Variants in MGAT4A observed in about 807,000 individuals in gnomAD.
The protein encoded by MGAT4A is N-acetylglucosaminyltransferase IVa.
Under a neutral mutation model 74.1 loss-of-function variants are expected in MGAT4A, and 33 were observed. The observed-to-expected ratio is 0.45, with a 90% CI of 0.34 to 0.60. MGAT4A has a LOEUF of 0.60. MGAT4A is among the 20% of genes least tolerant of loss of function. MGAT4A has a pLI of 0.02. For synonymous variants in MGAT4A, 198 were observed against 210.4 expected, an observed-to-expected ratio of 0.94 and a Z score of 0.51; for missense variants, 479 against 628.3, an observed-to-expected ratio of 0.76 and a Z score of 2.54.
chr2:98,665,350 AG>A (rs1490472791), intron 4 of MGAT4A, among the ~76,000 whole-genome samples: 7 of 150,950 alleles, frequency 4.6e-5, no homozygotes, highest in African/African-American at 1.2e-4. Context: ...AAAAAAAAAA[AG>A]AATTCTAATG....
chr2:98,676,424 G>A (rs754385247), intron 3 of MGAT4A, among the ~76,000 whole-genome samples: 11 of 152,064 alleles, frequency 7.2e-5, no homozygotes, highest in Admixed American at 1.3e-4. Flanking sequence ...TAAGAATTTA[G>A]CTTCTATGCA....
chr2:98,642,394 C>G (rs1701423544), intron 10 of MGAT4A, among the ~76,000 whole-genome samples: 1 of 152,164 alleles, frequency 6.6e-6, no homozygotes, highest in African/African-American at 2.4e-5. Context: ...GATGTGGCGA[C>G]AGCACCCTCG....
At chr2:98,653,508 T>A (rs1041631842) in intron 8 of MGAT4A, among the ~76,000 whole-genome samples, 15 of 151,798 alleles carry the variant, frequency 9.9e-5, no homozygotes, top group African/African-American at 3.6e-4. Context: ...ACAACTGATA[T>A]CACAGAAATA....
chr2:98,662,101 G>A (rs1245661722), intron 5 of MGAT4A, among the ~76,000 whole-genome samples: 2 of 152,162 alleles, frequency 1.3e-5, no homozygotes, highest in African/African-American at 4.8e-5. Context: ...ACAGAAAGGC[G>A]AACCCAGGCG....
intron 2 of MGAT4A, among the ~76,000 whole-genome samples, chr2:98,723,492 C>A (rs1412619697): frequency 1.3e-5 from 2 of 152,180 alleles, no homozygotes; most frequent in African/African-American, 2.4e-5. Flanking sequence ...CTCAGCCTGC[C>A]TGCTCATTAA....
At chr2:98,683,982 G>C (rs1702096843) in intron 2 of MGAT4A, among the ~76,000 whole-genome samples, 1 of 152,154 alleles carries the variant, frequency 6.6e-6, no homozygotes, top group African/African-American at 2.4e-5. Context: ...TCCGTCCTTT[G>C]TTTCTAACTC....
intron 2 of MGAT4A, among the ~76,000 whole-genome samples, chr2:98,691,873 C>G (rs1207998718): frequency 1.3e-5 from 2 of 152,154 alleles, no homozygotes; most frequent in Non-Finnish European, 2.9e-5. Flanking sequence ...GATCCTGACC[C>G]TCTGCAGGCC....
chr2:98,649,323 C>G (rs1011750601), intron 8 of MGAT4A, among the ~76,000 whole-genome samples: 57 of 152,092 alleles, frequency 3.7e-4, no homozygotes, highest in Admixed American at 2.3e-3. Context: ...CCCAGACACA[C>G]AAGACACATT....
chr2:98,626,443 T>C (rs1420700490), intron 14 of MGAT4A, among the ~76,000 whole-genome samples: 29 of 152,302 alleles, frequency 1.9e-4, no homozygotes, highest in Admixed American at 9.8e-4. Context: ...TGTGTACCAC[T>C]TTTCTTGCTA....
chr2:98,694,062 T>TGGCCCCAGCC (rs1702232569), intron 2 of MGAT4A: 1 of 153,680 alleles, frequency 6.5e-6, no homozygotes, highest in African/African-American at 2.4e-5. Flanking sequence ...TAGCCCCAGC[T>TGGCCCCAGCC]CCAGCCTGGC....
At chr2:98,642,987 T>C (rs940177989) in intron 10 of MGAT4A, among the ~76,000 whole-genome samples, 6 of 152,228 alleles carry the variant, frequency 3.9e-5, no homozygotes, top group African/African-American at 1.4e-4. Context: ...GCTTATTTGT[T>C]ACAATGAATG....
intron 2 of MGAT4A, among the ~76,000 whole-genome samples, chr2:98,686,017 C>A (rs1055995952): frequency 6.6e-6 from 1 of 152,088 alleles, no homozygotes; most frequent in African/African-American, 2.4e-5. Context: ...GGACAGGGGG[C>A]GCTCATTAAA....
At chr2:98,635,501 G>A (rs1416340626) in intron 13 of MGAT4A, among the ~76,000 whole-genome samples, 1 of 152,088 alleles carries the variant, frequency 6.6e-6, no homozygotes, top group East Asian at 1.9e-4. Context: ...TAATATATTG[G>A]TGGTTGGAAA....
chr2:98,668,559 G>A (rs1160335416), intron 4 of MGAT4A, among the ~76,000 whole-genome samples: 1 of 152,254 alleles, frequency 6.6e-6, no homozygotes, highest in African/African-American at 2.4e-5. Flanking sequence ...CAGTGCGGAA[G>A]GGACATGTGG....
At chr2:98,704,317 C>T (rs765976437) in intron 2 of MGAT4A, among the ~76,000 whole-genome samples, 1 of 152,176 alleles carries the variant, frequency 6.6e-6, no homozygotes, top group African/African-American at 2.4e-5. Flanking sequence ...GAGGCCAAGG[C>T]AGGTGGATTG....
intron 2 of MGAT4A, among the ~76,000 whole-genome samples, chr2:98,719,774 A>G (rs1051956635): frequency 2.6e-5 from 4 of 152,230 alleles, no homozygotes; most frequent in African/African-American, 7.2e-5. Flanking sequence ...CAGCCTCCCC[A>G]GTAGCTGGGA....
intron 2 of MGAT4A, among the ~76,000 whole-genome samples, chr2:98,689,288 G>A (rs777200346): frequency 6.6e-6 from 1 of 152,166 alleles, no homozygotes; most frequent in Non-Finnish European, 1.5e-5. Context: ...TTACAGCAAA[G>A]ACATCTGACA....
chr2:98,730,972 TCCCGCGCCCTCCGCGCAGCCGC>T (rs1354313425), intron 1 of MGAT4A, 54 bp downstream of exon 1: 72 of 135,062 alleles, frequency 5.3e-4, no homozygotes, highest in African/African-American at 1.9e-3. Flanking sequence ...CGCCCCCAAC[TCCCGCGCCCTCCGCGCAGCCGC>T]CCCGCGCCCC....
intron 2 of MGAT4A, chr2:98,695,468 A>G (rs1702258422): frequency 5.1e-6 from 1 of 196,174 alleles, no homozygotes; most frequent in East Asian, 1.2e-4. Flanking sequence ...AAAGAACGCA[A>G]TGCAGCAGAA....
Sources: allele counts gnomAD v4.1 joint callset (sites outside exome capture counted in the v4.1 genomes callset), GRCh38; gene constraint gnomAD v4.1.1; transcripts MANE v1.5; gene names NCBI Gene and HGNC (gene_info 2026-07-23, HGNC 2026-07-21).